Variants in KCNAB1 observed in about 807,000 individuals in gnomAD.
KCNAB1 encodes the protein potassium voltage-gated channel subfamily A regulatory beta subunit 1, also known as voltage-gated potassium channel subunit beta-1.
Under a neutral mutation model 64.6 loss-of-function variants are expected in KCNAB1, and 35 were observed. The ratio of observed to expected loss-of-function variants is 0.54; its 90% CI spans 0.41 to 0.72. The LOEUF (loss-of-function observed/expected upper bound fraction) is 0.72. KCNAB1 is among the 30% of genes least tolerant of loss of function. The probability of loss-of-function intolerance (pLI) is 0.00; values close to 1 mark genes in which losing one functional copy is unlikely to be tolerated. For synonymous variants in KCNAB1, 177 were observed against 183.8 expected, an observed-to-expected ratio of 0.96 and a Z score of 0.30; for missense variants, 401 against 512.9, an observed-to-expected ratio of 0.78 and a Z score of 2.11.
chr3:156,388,073 A>G (rs1324756648), intron 1 of KCNAB1, among the ~76,000 whole-genome samples: 2 of 152,170 alleles, frequency 1.3e-5, no homozygotes, highest in Non-Finnish European at 2.9e-5. Flanking sequence ...TCACTCTGTT[A>G]TCTATGCTTG....
At chr3:156,143,418 C>T (rs764138872) in intron 1 of KCNAB1, 1 of 1,566,030 alleles carries the variant, frequency 6.4e-7, no homozygotes, top group South Asian at 1.2e-5. Flanking sequence ...GCATGGCATA[C>T]AGGTACTGCT....
intron 13 of KCNAB1, 131 bp from the exon 14 acceptor site, chr3:156,536,526 CG>C: frequency 1.5e-6 from 1 of 684,528 alleles, no homozygotes. Context: ...GTGTTGGGGG[CG>C]GGGGGCTTAG....
At chr3:156,451,627 A>C (rs1712012104) in intron 2 of KCNAB1, among the ~76,000 whole-genome samples, 1 of 152,120 alleles carries the variant, frequency 6.6e-6, no homozygotes, top group Admixed American at 6.5e-5. Context: ...AAAATGCAAA[A>C]TATGCATTTT....
intron 1 of KCNAB1, among the ~76,000 whole-genome samples, chr3:156,401,772 C>T (rs1354967615): frequency 6.6e-6 from 1 of 152,168 alleles, no homozygotes; most frequent in African/African-American, 2.4e-5. Flanking sequence ...ATTTAAAGAT[C>T]ATTCTAGAAT....
At chr3:156,504,662 GC>G (rs1286671757) in intron 8 of KCNAB1, among the ~76,000 whole-genome samples, 1 of 151,034 alleles carries the variant, frequency 6.6e-6, no homozygotes, top group Non-Finnish European at 1.5e-5. Flanking sequence ...CTTCCTGTTG[GC>G]CCGTTGTATG....
At chr3:156,257,914 A>G (rs1718195439) in intron 1 of KCNAB1, among the ~76,000 whole-genome samples, 1 of 152,214 alleles carries the variant, frequency 6.6e-6, no homozygotes, top group Admixed American at 6.5e-5. Context: ...CAGAATAACA[A>G]CAGAATAGGA....
chr3:156,272,789 A>G (rs572040931), intron 1 of KCNAB1, among the ~76,000 whole-genome samples: 275 of 152,032 alleles, frequency 1.8e-3, no homozygotes, highest in African/African-American at 6.3e-3. Context: ...ATCTCTTCTC[A>G]TAGCTGCCAC....
chr3:156,132,000 A>G (rs1714026258), intron 1 of KCNAB1, among the ~76,000 whole-genome samples: 1 of 152,222 alleles, frequency 6.6e-6, no homozygotes. Flanking sequence ...ACATGACCAC[A>G]TTCAACTGCA....
chr3:156,478,228 C>T (rs964003728), intron 8 of KCNAB1, among the ~76,000 whole-genome samples: 2 of 151,894 alleles, frequency 1.3e-5, no homozygotes, highest in Admixed American at 1.3e-4. Flanking sequence ...CAGCAACTCA[C>T]GTTGGCTATT....
intron 1 of KCNAB1, among the ~76,000 whole-genome samples, chr3:156,295,498 A>G (rs554660485): frequency 6.6e-6 from 1 of 152,366 alleles, no homozygotes; most frequent in East Asian, 1.9e-4. Flanking sequence ...ATTCTGCAAA[A>G]TAAAATGCTT....
At chr3:156,155,289 G>A (rs1715652081) in intron 1 of KCNAB1, among the ~76,000 whole-genome samples, 1 of 152,128 alleles carries the variant, frequency 6.6e-6, no homozygotes, top group African/African-American at 2.4e-5. Flanking sequence ...CACAATTCCA[G>A]GCATTGGAGA....
At chr3:156,407,099 T>A (rs1376785722) in intron 1 of KCNAB1, among the ~76,000 whole-genome samples, 1 of 152,220 alleles carries the variant, frequency 6.6e-6, no homozygotes. Flanking sequence ...CTGTCTACTC[T>A]GTCGTGATTG....
Position 156,283,152 on chromosome 3 carries a change from G to T in KCNAB1, c.276-138464G>T, listed in dbSNP as rs1468639918. Reference sequence around the variant, plus strand: ...TGCTTCCTTCAGGAGCTCTTGTAAGGCAGGCCTGGTGGTGACAAAATCTCT... The same window carrying T: ...TGCTTCCTTCAGGAGCTCTTGTAAGTCAGGCCTGGTGGTGACAAAATCTCT... On this transcript the variant is annotated intron_variant, in intron 1 of 13. Transcript: ENST00000490337. Among the ~76,000 whole-genome samples, 9 of 151,794 alleles carry T rather than the reference G, an allele frequency of 5.9e-5. No homozygotes were observed. The South Asian group carries it at 1.9e-3, about 32-fold the overall frequency.
At chr3:156,248,705 G>A (rs1177297074) in intron 1 of KCNAB1, among the ~76,000 whole-genome samples, 1 of 152,168 alleles carries the variant, frequency 6.6e-6, no homozygotes, top group Non-Finnish European at 1.5e-5. Flanking sequence ...TGACTTTACG[G>A]TTTTAGAAAC....
chr3:156,299,135 G>C (rs1720987790), intron 1 of KCNAB1, among the ~76,000 whole-genome samples: 1 of 152,222 alleles, frequency 6.6e-6, no homozygotes, highest in Admixed American at 6.5e-5. Context: ...CTGACTCCAA[G>C]GGCAGAGTTC....
chr3:156,251,047 GA>G (rs1717802317), intron 1 of KCNAB1, among the ~76,000 whole-genome samples: 1 of 152,138 alleles, frequency 6.6e-6, no homozygotes, highest in African/African-American at 2.4e-5. Context: ...GAATTTTTAT[GA>G]AAAATAGAAA....
At chr3:156,476,703 T>C (rs1214940803) in intron 8 of KCNAB1, among the ~76,000 whole-genome samples, 1 of 152,160 alleles carries the variant, frequency 6.6e-6, no homozygotes, top group African/African-American at 2.4e-5. Flanking sequence ...ACGCGTGTTC[T>C]TTAAGGAATA....
chr3:156,486,347 AG>A (rs1715215292), intron 8 of KCNAB1, among the ~76,000 whole-genome samples: 1 of 152,116 alleles, frequency 6.6e-6, no homozygotes, highest in African/African-American at 2.4e-5. Flanking sequence ...AAAGTATAAA[AG>A]TTGAGAGAGG....
intron 1 of KCNAB1, among the ~76,000 whole-genome samples, chr3:156,144,676 C>T (rs1340352665): frequency 1.3e-5 from 2 of 152,132 alleles, no homozygotes; most frequent in Non-Finnish European, 1.5e-5. Flanking sequence ...CGTGTTTCCT[C>T]GACCCTCAGT....
Sources: allele counts gnomAD v4.1 joint callset (sites outside exome capture counted in the v4.1 genomes callset), GRCh38; gene constraint gnomAD v4.1.1; transcripts MANE v1.5; gene names NCBI Gene and HGNC (gene_info 2026-07-23, HGNC 2026-07-21).